Variants in GABRB1 observed in about 807,000 individuals in gnomAD.
GABRB1 encodes the protein gamma-aminobutyric acid type A receptor subunit beta1.
In GABRB1, 17 loss-of-function variants were observed where a neutral mutation model predicts 51.6. The observed-to-expected ratio is 0.33, with a 90% CI of 0.23 to 0.49. The LOEUF (loss-of-function observed/expected upper bound fraction) is 0.49, where lower values mean the gene tolerates loss of function less well. Ranked by LOEUF, GABRB1 falls within the 20% of genes least tolerant of loss-of-function variation. The probability of loss-of-function intolerance (pLI) is 0.99; values close to 1 mark genes in which losing one functional copy is unlikely to be tolerated. For synonymous variants in GABRB1, 247 were observed against 218.9 expected (o/e 1.13, Z -1.14); for missense variants, 410 against 600.6 (o/e 0.68, Z 3.32).
intron 3 of GABRB1, among the ~76,000 whole-genome samples, chr4:47,144,591 A>C (rs2109700406): frequency 6.6e-6 from 1 of 152,086 alleles, no homozygotes; most frequent in South Asian, 2.1e-4. Context: ...TACATTATTT[A>C]AATTTCTATT....
At chr4:47,071,654 T>C (rs1312714644) in intron 3 of GABRB1, among the ~76,000 whole-genome samples, 4 of 151,306 alleles carry the variant, frequency 2.6e-5, no homozygotes, top group East Asian at 1.9e-4. Flanking sequence ...TTTCTTTTTT[T>C]TTTTTTTCCG....
At chr4:47,098,645 T>C (rs1714575148) in intron 3 of GABRB1, among the ~76,000 whole-genome samples, 1 of 152,106 alleles carries the variant, frequency 6.6e-6, no homozygotes, top group South Asian at 2.1e-4. Context: ...GACAACAGCA[T>C]AGAGGTGTGT....
At chr4:47,083,625 T>C (rs1343662888) in intron 3 of GABRB1, among the ~76,000 whole-genome samples, 1 of 152,156 alleles carries the variant, frequency 6.6e-6, no homozygotes, top group East Asian at 1.9e-4. Context: ...AGCTATTTCC[T>C]GGGTCTGTCA....
In GABRB1 at chr4:47,398,357, T is replaced by C. The variant is rs1051470667; in HGVS notation, c.545-4961T>C. On this transcript the variant is annotated intron_variant, in intron 5 of 8. Coordinates refer to ENST00000295454, the MANE Select transcript of GABRB1 (RefSeq NM_000812.4). ...TTTAACCAGCAGCTTTCCAACTCTG[T>C]ACCTCAACTTTCTTTCTGTTGTCCA... Among the ~76,000 whole-genome samples the C allele has an allele frequency of 9.8e-5, 15 of 152,350 alleles. No homozygotes were observed. The South Asian group carries it at 2.9e-3, about 29-fold the overall frequency.
At chr4:47,233,568 A>C (rs1486127916) in intron 4 of GABRB1, among the ~76,000 whole-genome samples, 1 of 152,168 alleles carries the variant, frequency 6.6e-6, no homozygotes, top group Non-Finnish European at 1.5e-5. Flanking sequence ...TATTATTTGA[A>C]GAATGGTTAG....
intron 1 of GABRB1, among the ~76,000 whole-genome samples, chr4:47,018,096 T>G (rs1252976959): frequency 2.0e-5 from 3 of 151,736 alleles, no homozygotes; most frequent in Non-Finnish European, 4.4e-5. Flanking sequence ...TCCCTCTTCC[T>G]CCTCTGCCTC....
chr4:47,170,380 TACAC>T lies in GABRB1; in HGVS notation c.461+8930_461+8933del, dbSNP rs10555441. Reference sequence around the variant, plus strand: ...AATTATCTTGATAATACAGATCCACTACACACACACACACACACACACGCACACA... The same window carrying T: ...AATTATCTTGATAATACAGATCCACTACACACACACACACACACGCACACA... On this transcript the variant is annotated intron_variant, in intron 4 of 8. Coordinates refer to ENST00000295454, the MANE Select transcript of GABRB1 (RefSeq NM_000812.4). Among the ~76,000 whole-genome samples, 117 of 148,488 alleles carry T rather than the reference TACAC, an allele frequency of 7.9e-4. 1 individual carries two copies. Among genetic ancestry groups the T allele is most frequent in the Admixed American group, 1.8e-3 (27 of 14,864 alleles).
At chr4:47,008,853 C>CTTTTTTTTTTTTTTT (rs1491180948) in intron 1 of GABRB1, among the ~76,000 whole-genome samples, 2 of 80,066 alleles carry the variant, frequency 2.5e-5, no homozygotes, top group Non-Finnish European at 4.5e-5. Flanking sequence ...CAGATACTAC[C>CTTTTTTTTTTTTTTT]TTTTTTTTTT....
chr4:47,337,478 A>G (rs984153196), intron 5 of GABRB1, among the ~76,000 whole-genome samples: 1 of 152,012 alleles, frequency 6.6e-6, no homozygotes, highest in Non-Finnish European at 1.5e-5. Flanking sequence ...TTTTGGAATC[A>G]TGGAGGGCTA....
chr4:47,366,659 C>T (rs1448388777), intron 5 of GABRB1, among the ~76,000 whole-genome samples: 1 of 152,230 alleles, frequency 6.6e-6, no homozygotes, highest in East Asian at 1.9e-4. Flanking sequence ...ATTATCCCCC[C>T]TTTTGAAACA....
chr4:47,302,230 C>A (rs185712451), intron 4 of GABRB1, among the ~76,000 whole-genome samples: 46 of 152,122 alleles, frequency 3.0e-4, no homozygotes, highest in Non-Finnish European at 5.9e-4. Context: ...GTGCTTAGTA[C>A]CGTTTCTTCC....
At chr4:47,361,149 G>T (rs1726791566) in intron 5 of GABRB1, among the ~76,000 whole-genome samples, 1 of 151,996 alleles carries the variant, frequency 6.6e-6, no homozygotes, top group South Asian at 2.1e-4. Context: ...AAAAATAGTG[G>T]TGCATCGCAT....
chr4:47,005,887 C>G (rs182307152), intron 1 of GABRB1, among the ~76,000 whole-genome samples: 73 of 143,974 alleles, frequency 5.1e-4, no homozygotes, highest in African/African-American at 1.8e-3. Flanking sequence ...TAATCTTTGT[C>G]TTATGAATAC....
intron 1 of GABRB1, among the ~76,000 whole-genome samples, chr4:47,013,541 T>C (rs1401250158): frequency 6.6e-6 from 1 of 152,228 alleles, no homozygotes; most frequent in East Asian, 1.9e-4. Context: ...TGCTAAAATG[T>C]CCAACCTGAT....
intron 5 of GABRB1, among the ~76,000 whole-genome samples, chr4:47,386,938 G>A (rs1013868801): frequency 2.0e-5 from 3 of 152,222 alleles, no homozygotes; most frequent in South Asian, 2.1e-4. Context: ...AGATATAGAC[G>A]AAAGGCTAAA....
intron 4 of GABRB1, among the ~76,000 whole-genome samples, chr4:47,177,689 G>T (rs1718758655): frequency 6.6e-6 from 1 of 152,018 alleles, no homozygotes; most frequent in Admixed American, 6.6e-5. Flanking sequence ...CATTATTTTT[G>T]GTAGAATGAC....
intron 4 of GABRB1, among the ~76,000 whole-genome samples, chr4:47,264,361 C>A (rs973330320): frequency 3.3e-5 from 5 of 152,118 alleles, no homozygotes; most frequent in South Asian, 2.1e-4. Flanking sequence ...GACTCATGGC[C>A]CTATGTTATG....
At position 47,426,131 on chromosome 4, in the gene GABRB1, A is replaced by G. The variant is rs577415550; in HGVS notation, c.*113A>G. On this transcript the variant is annotated 3_prime_UTR_variant, in exon 9 of 9. Transcript: ENST00000295454. ...TCGAGGTAAGAGATTCAGCCATCCA[A>G]TTGGTTTTAGGTCTTGCATATCAGT... 1.8e-4 allele frequency: 165 copies of G among 892,412 alleles called. No homozygotes were observed. The African/African-American group carries it at 2.3e-3, about 13-fold the overall frequency. 55.3% of individuals were successfully genotyped at this position (892,412 alleles called of 1,614,324 possible).
intron 4 of GABRB1, among the ~76,000 whole-genome samples, chr4:47,309,764 G>A (rs984767042): frequency 6.6e-6 from 1 of 151,968 alleles, no homozygotes; most frequent in African/African-American, 2.4e-5. Context: ...TAATAAAACT[G>A]TGATAATGTC....
Sources: allele counts gnomAD v4.1 joint callset (sites outside exome capture counted in the v4.1 genomes callset), GRCh38; gene constraint gnomAD v4.1.1; transcripts MANE v1.5; gene names NCBI Gene and HGNC (gene_info 2026-07-23, HGNC 2026-07-21).